Variants in ZGPAT observed in about 807,000 individuals in gnomAD.
ZGPAT encodes the protein zinc finger CCCH-type with G patch domain-containing protein.
Under a neutral mutation model 47.9 loss-of-function variants are expected in ZGPAT, and 39 were observed. The observed-to-expected ratio is 0.81, with a 90% CI of 0.63 to 1.06. ZGPAT has a LOEUF of 1.06. Among genes scored for constraint, ZGPAT ranks in the 50% least tolerant of loss-of-function variants. The pLI, the probability that ZGPAT is intolerant of heterozygous loss-of-function variation, is 0.00. For synonymous variants in ZGPAT, 348 were observed against 292.9 expected (o/e 1.19, Z -1.92); for missense variants, 717 against 681.4 (o/e 1.05, Z -0.58).
intron 2 of ZGPAT, among the ~76,000 whole-genome samples, chr20:63,732,933 T>C (rs1020275260): frequency 6.6e-6 from 1 of 152,006 alleles, no homozygotes; most frequent in Non-Finnish European, 1.5e-5. Context: ...TGCATGTATA[T>C]GCACAAGTGT....
chr20:63,733,806 T>C (rs2091947959), intron 4 of ZGPAT, 67 bp downstream of exon 4: 1 of 1,549,268 alleles, frequency 6.5e-7, no homozygotes, highest in Non-Finnish European at 8.7e-7. Context: ...TCCTGGCCGG[T>C]GAGGGCACCA....
At chr20:63,726,967 G>A (rs1568794908) in intron 2 of ZGPAT, among the ~76,000 whole-genome samples, 2 of 151,922 alleles carry the variant, frequency 1.3e-5, no homozygotes, top group African/African-American at 2.4e-5. Context: ...AGACTGGTAC[G>A]TTTATTACAA....
intron 2 of ZGPAT, chr20:63,730,171 C>A (rs1055127312): frequency 6.6e-6 from 1 of 152,152 alleles, no homozygotes; most frequent in Non-Finnish European, 1.5e-5. Flanking sequence ...CGTATTTAAT[C>A]GAATTCACTC....
intron 2 of ZGPAT, among the ~76,000 whole-genome samples, chr20:63,710,311 C>G (rs1416760816): frequency 1.3e-5 from 2 of 150,854 alleles, no homozygotes; most frequent in Admixed American, 6.6e-5. Context: ...CGCCACCACA[C>G]TGGGCTAATT....
intron 2 of ZGPAT, among the ~76,000 whole-genome samples, chr20:63,714,419 C>G (rs544135955): frequency 1.2e-5 from 1 of 80,656 alleles, no homozygotes; most frequent in South Asian, 5.6e-4. Flanking sequence ...GAGCAAGAAC[C>G]CTGTCTTTAA....
intron 2 of ZGPAT, among the ~76,000 whole-genome samples, chr20:63,717,938 G>GA (rs2091747664): frequency 6.6e-6 from 1 of 152,106 alleles, no homozygotes; most frequent in African/African-American, 2.4e-5. Flanking sequence ...AGCTACTCAG[G>GA]AGGCTGAGGC....
At chr20:63,709,225 G>A (rs1414979486) in intron 2 of ZGPAT, 61 bp downstream of exon 2, 4 of 1,579,852 alleles carry the variant, frequency 2.5e-6, no homozygotes, top group African/African-American at 1.3e-5. Context: ...ACACAGGGTC[G>A]GGTCAGGATC....
intron 2 of ZGPAT, among the ~76,000 whole-genome samples, chr20:63,720,321 A>G (rs911776798): frequency 6.6e-6 from 1 of 151,746 alleles, no homozygotes; most frequent in African/African-American, 2.4e-5. Flanking sequence ...ACTCCTGGCT[A>G]ATTTTTTGTA....
At chr20:63,716,135 T>C (rs547413540) in intron 2 of ZGPAT, among the ~76,000 whole-genome samples, 1 of 152,264 alleles carries the variant, frequency 6.6e-6, no homozygotes, top group East Asian at 1.9e-4. Flanking sequence ...GTTCAAGTGA[T>C]TCTCCCACCT....
chr20:63,709,105 G>A lies in ZGPAT; in HGVS notation c.525G>A (p.Lys175=). ...VRVLYLYPTH[K]SLKPCPFFLE... is the part of the protein sequence containing the mutation. The stretch of plus-strand genomic sequence containing the variant: ...TGCTTTACCTGTACCCCACTCACAA[G>A]TCTCTGAAGCCGTGCCCGTTCTTCC... The change falls in exon 2 of 7, where the codon AAG becomes AAA. Residue 175 remains lysine, a synonymous_variant. Transcript: ENST00000355969. 1 of 1,613,272 alleles carries A rather than the reference G, an allele frequency of 6.2e-7. No homozygotes were observed. Among genetic ancestry groups the A allele is most frequent in the Non-Finnish European group, 8.5e-7 (1 of 1,180,024 alleles).
chr20:63,726,503 T>G lies in ZGPAT; in HGVS notation c.585-6716T>G, dbSNP rs1394033412. Among the ~76,000 whole-genome samples, 26 of 132,792 alleles carry G rather than the reference T, an allele frequency of 2.0e-4. No individual in the cohort carries two copies. The Admixed American group carries it at 2.1e-3, about 11-fold the overall frequency. The allele number at this position is 132,792 out of a possible 152,430, so 87.1% of individuals were successfully genotyped here. ...GGCATGAGCCCGGCCTTGAATTTTT[T>G]TTTAATAGGCTTTTTGTTTGTTTGT... On this transcript the variant is annotated intron_variant, in intron 2 of 6. Transcript: ENST00000355969.
intron 2 of ZGPAT, among the ~76,000 whole-genome samples, chr20:63,715,006 A>G (rs1568787402): frequency 1.3e-5 from 2 of 151,526 alleles, no homozygotes; most frequent in East Asian, 1.9e-4. Flanking sequence ...TTTTCCTTTC[A>G]TTTTGTTAAT....
At chr20:63,717,859 A>G (rs999724235) in intron 2 of ZGPAT, among the ~76,000 whole-genome samples, 3 of 152,150 alleles carry the variant, frequency 2.0e-5, no homozygotes, top group Admixed American at 6.6e-5. Context: ...CCTGGCCGAC[A>G]GGGAGAAACC....
In ZGPAT at chr20:63,736,029, A is replaced by T. The variant is rs2091987011; in HGVS notation, c.*110A>T. The T allele has an allele frequency of 3.4e-6, 5 of 1,450,066 alleles. No homozygotes were observed. Among genetic ancestry groups the T allele is most frequent in the Non-Finnish European group, 4.6e-6 (5 of 1,079,612 alleles). 89.8% of individuals were successfully genotyped at this position (1,450,066 alleles called of 1,614,324 possible). A position where few individuals can be genotyped will look rare whatever the true frequency, so the allele number is the denominator to read the frequency against. ...GCCTGCTGGCCTGGGGCGTGCAGAC[A>T]CTGCTGAGTGGAGACAGAGCTGCGG... On this transcript the variant is annotated 3_prime_UTR_variant, in exon 7 of 7. Coordinates refer to ENST00000355969, the MANE Select transcript of ZGPAT (RefSeq NM_181485.3).
At chr20:63,724,567 G>A (rs535893618) in intron 2 of ZGPAT, among the ~76,000 whole-genome samples, 1 of 151,314 alleles carries the variant, frequency 6.6e-6, no homozygotes, top group East Asian at 1.9e-4. Flanking sequence ...TTGTTTTTTT[G>A]TATCATCCAT....
intron 2 of ZGPAT, among the ~76,000 whole-genome samples, chr20:63,718,707 C>T (rs574515529): frequency 8.5e-5 from 13 of 152,062 alleles, no homozygotes; most frequent in South Asian, 6.2e-4. Flanking sequence ...CATCCCTCCT[C>T]GGCCTCCCAA....
chr20:63,718,370 G>A (rs1398333212), intron 2 of ZGPAT, among the ~76,000 whole-genome samples: 6 of 150,684 alleles, frequency 4.0e-5, no homozygotes, highest in East Asian at 3.9e-4. Flanking sequence ...TTGCTCTGTC[G>A]CCCAGGCTGG....
chr20:63,710,572 C>T (rs1035045003), intron 2 of ZGPAT, among the ~76,000 whole-genome samples: 3 of 152,196 alleles, frequency 2.0e-5, no homozygotes, highest in Admixed American at 6.5e-5. Flanking sequence ...CATCCAATGT[C>T]GTCATTTATT....
chr20:63,722,871 T>G (rs1209986130), intron 2 of ZGPAT, among the ~76,000 whole-genome samples: 3 of 152,154 alleles, frequency 2.0e-5, no homozygotes, highest in African/African-American at 7.2e-5. Flanking sequence ...CCTCAGGTGA[T>G]CCGCCCATCT....
Sources: allele counts gnomAD v4.1 joint callset (sites outside exome capture counted in the v4.1 genomes callset), GRCh38; gene constraint gnomAD v4.1.1; transcripts MANE v1.5; gene names NCBI Gene and HGNC (gene_info 2026-07-23, HGNC 2026-07-21).